Variants in FBN1 observed in about 807,000 individuals in gnomAD.
FBN1 encodes the protein fibrillin 1, also known as fibrillin-1.
Under a neutral mutation model 365.1 loss-of-function variants are expected in FBN1, and 29 were observed. The ratio of observed to expected loss-of-function variants is 0.08; its 90% confidence interval spans 0.06 to 0.11. The LOEUF (loss-of-function observed/expected upper bound fraction) is 0.11, where lower values mean the gene tolerates loss of function less well. Among genes scored for constraint, FBN1 ranks in the 10% least tolerant of loss-of-function variants. The pLI, the probability that FBN1 is intolerant of heterozygous loss-of-function variation, is 1.00. For synonymous variants in FBN1, 1,210 were observed against 1,270.5 expected, an observed-to-expected ratio of 0.95 and a Z score of 1.01; for missense variants, 2,476 against 3,703.2, an observed-to-expected ratio of 0.67 and a Z score of 8.60.
At chr15:48,437,536 A>T (rs2043082974) in intron 51 of FBN1, 149 bp from the exon 52 acceptor site, 1 of 840,822 alleles carries the variant, frequency 1.2e-6, no homozygotes, top group Admixed American at 2.0e-5. Flanking sequence ...AAGTTATTTA[A>T]CGAGACTCCC....
chr15:48,554,499 C>A (rs1479564882), intron 6 of FBN1, among the ~76,000 whole-genome samples: 1 of 152,028 alleles, frequency 6.6e-6, no homozygotes, highest in Non-Finnish European at 1.5e-5. Context: ...AACACAGAAG[C>A]AATGTTGGTG....
intron 6 of FBN1, among the ~76,000 whole-genome samples, chr15:48,538,949 A>G (rs1292601263): frequency 6.6e-6 from 1 of 152,134 alleles, no homozygotes; most frequent in Non-Finnish European, 1.5e-5. Flanking sequence ...TGCTTTCATT[A>G]TTTTCTTCTT....
At chr15:48,528,901 T>C (rs1192503509) in intron 8 of FBN1, 1 of 152,158 alleles carries the variant, frequency 6.6e-6, no homozygotes, top group East Asian at 1.9e-4. Flanking sequence ...GTTCTATCTA[T>C]TACCAGGCTG....
At chr15:48,455,104 C>G (rs2043229154) in intron 44 of FBN1, among the ~76,000 whole-genome samples, 1 of 152,222 alleles carries the variant, frequency 6.6e-6, no homozygotes, top group Non-Finnish European at 1.5e-5. Context: ...TGCACTCAAC[C>G]TTCATTTTCC....
intron 6 of FBN1, among the ~76,000 whole-genome samples, chr15:48,581,872 T>C (rs1221208582): frequency 6.6e-6 from 1 of 152,172 alleles, no homozygotes; most frequent in East Asian, 1.9e-4. Context: ...TGAGAAGACA[T>C]AAGTCTCATT....
intron 4 of FBN1, among the ~76,000 whole-genome samples, chr15:48,607,087 TCC>T (rs2044619039): frequency 6.6e-6 from 1 of 152,092 alleles, no homozygotes; most frequent in African/African-American, 2.4e-5. Flanking sequence ...TTATAAGTTA[TCC>T]AGTCTGTGGT....
intron 6 of FBN1, among the ~76,000 whole-genome samples, chr15:48,573,998 C>T (rs2044326189): frequency 1.3e-5 from 2 of 152,204 alleles, no homozygotes; most frequent in Admixed American, 1.3e-4. Flanking sequence ...TAGCCTTGTC[C>T]CGACCGCACG....
intron 6 of FBN1, among the ~76,000 whole-genome samples, chr15:48,560,819 C>A (rs1385282669): frequency 6.6e-6 from 1 of 152,088 alleles, no homozygotes; most frequent in Admixed American, 6.6e-5. Flanking sequence ...TCCACGTCCC[C>A]TGCATGCCAC....
intron 10 of FBN1, 88 bp from the exon 11 acceptor site, chr15:48,516,450 A>T (rs913351404): frequency 1.5e-6 from 2 of 1,335,842 alleles, no homozygotes; most frequent in African/African-American, 1.5e-5. Context: ...TTTTTTAAAG[A>T]TATTTTTGAA....
intron 2 of FBN1, among the ~76,000 whole-genome samples, chr15:48,629,501 G>T (rs1019457963): frequency 6.6e-6 from 1 of 152,110 alleles, no homozygotes; most frequent in African/African-American, 2.4e-5. Context: ...AATATTCACT[G>T]AATATTTGAT....
intron 6 of FBN1, among the ~76,000 whole-genome samples, chr15:48,583,393 C>T (rs993813965): frequency 6.6e-6 from 1 of 152,132 alleles, no homozygotes; most frequent in Non-Finnish European, 1.5e-5. Flanking sequence ...TAGTCCTTTG[C>T]AACAAAAGAA....
intron 15 of FBN1, 108 bp from the exon 16 acceptor site, chr15:48,505,255 T>C (rs2043699023): frequency 3.0e-6 from 4 of 1,347,312 alleles, no homozygotes; most frequent in Admixed American, 3.5e-5. Flanking sequence ...TAGGAAATAA[T>C]ATGCAGCATC....
intron 6 of FBN1, among the ~76,000 whole-genome samples, chr15:48,559,147 A>G (rs1328131380): frequency 6.6e-6 from 1 of 152,264 alleles, no homozygotes; most frequent in Non-Finnish European, 1.5e-5. Flanking sequence ...TACTGAATAC[A>G]GAGCACTAGA....
intron 5 of FBN1, among the ~76,000 whole-genome samples, chr15:48,598,547 T>A (rs1388082622): frequency 6.6e-6 from 1 of 152,154 alleles, no homozygotes; most frequent in Non-Finnish European, 1.5e-5. Flanking sequence ...CTCACTCTCC[T>A]CTGCATTTAA....
intron 38 of FBN1, 104 bp from the exon 39 acceptor site, chr15:48,465,962 CAGGAATCTTT>C: frequency 1.2e-6 from 1 of 825,080 alleles, no homozygotes; most frequent in Non-Finnish European, 2.0e-6. Context: ...TGTTCATTTT[CAGGAATCTTT>C]AGTTGTTACT....
At chr15:48,457,414 T>G (rs963382516) in intron 43 of FBN1, among the ~76,000 whole-genome samples, 1 of 152,186 alleles carries the variant, frequency 6.6e-6, no homozygotes, top group African/African-American at 2.4e-5. Flanking sequence ...AGGTAGTAAG[T>G]GCTCAATTCA....
At chr15:48,568,641 C>T (rs1364404935) in intron 6 of FBN1, among the ~76,000 whole-genome samples, 38 of 151,950 alleles carry the variant, frequency 2.5e-4, no homozygotes, top group Non-Finnish European at 4.4e-5. Flanking sequence ...AGAGTAAGAA[C>T]AGAGATTAGA....
chr15:48,458,978 G>A (rs961033868), intron 43 of FBN1, among the ~76,000 whole-genome samples: 19 of 152,378 alleles, frequency 1.2e-4, no homozygotes, highest in Middle Eastern at 3.4e-3. Flanking sequence ...TCAGGACTGT[G>A]TTCTGGTCCC....
At chr15:48,464,168 G>A in intron 40 of FBN1, 147 bp from the exon 41 acceptor site, 1 of 769,644 alleles carries the variant, frequency 1.3e-6, no homozygotes, top group Admixed American at 2.1e-5. Flanking sequence ...ATTCATCCGT[G>A]TCCTCTCTCT....
Sources: gnomAD v4.1 joint callset for allele counts (sites outside exome capture counted in the v4.1 genomes callset) on GRCh38, gnomAD v4.1.1 for gene constraint, MANE v1.5 for transcripts, NCBI Gene and HGNC (gene_info 2026-07-23, HGNC 2026-07-21) for gene names.